PDCD6: variants seen among roughly 807,000 people sequenced by gnomAD.
PDCD6 encodes programmed cell death protein 6.
PDCD6 carries 12 observed loss-of-function variants against 28.3 expected under a neutral mutation model. The observed-to-expected ratio is 0.42, with a 90% CI of 0.27 to 0.69. The LOEUF is 0.69. Ranked by LOEUF, PDCD6 falls within the 30% of genes least tolerant of loss-of-function variation. The probability of loss-of-function intolerance (pLI) is 0.22; values close to 1 mark genes in which losing one functional copy is unlikely to be tolerated. For synonymous variants in PDCD6, 92 were observed against 108.0 expected (o/e 0.85, Z 0.92); for missense variants, 226 against 269.9 (o/e 0.84, Z 1.14).
intron 2 of PDCD6, among the ~76,000 whole-genome samples, chr5:280,219 C>G (rs895145146): frequency 2.6e-5 from 4 of 152,020 alleles, no homozygotes; most frequent in African/African-American, 9.7e-5. Flanking sequence ...GCACCCTAGG[C>G]AGAGGGCACA....
At chr5:294,380 A>G (rs1054005880) in intron 2 of PDCD6, among the ~76,000 whole-genome samples, 3 of 151,124 alleles carry the variant, frequency 2.0e-5, no homozygotes, top group Non-Finnish European at 2.9e-5. Context: ...CCAGTATTAA[A>G]GAGAGGGCAG....
At chr5:303,349 A>G (rs1311619293) in intron 2 of PDCD6, among the ~76,000 whole-genome samples, 2 of 151,718 alleles carry the variant, frequency 1.3e-5, no homozygotes, top group East Asian at 1.9e-4. Flanking sequence ...GAGGAGAGCC[A>G]CTGGTCTCTC....
intron 2 of PDCD6, among the ~76,000 whole-genome samples, chr5:294,365 A>C (rs1210593534): frequency 6.6e-6 from 1 of 150,656 alleles, no homozygotes; most frequent in African/African-American, 2.5e-5. Context: ...AAGAAAGTAA[A>C]AGCCCCAGTA....
chr5:287,060 C>G (rs929920925), intron 2 of PDCD6, among the ~76,000 whole-genome samples: 1 of 151,254 alleles, frequency 6.6e-6, no homozygotes, highest in Non-Finnish European at 1.5e-5. Flanking sequence ...CACGGAGGAG[C>G]TGGTATGTTC....
At chr5:290,420 A>G in intron 2 of PDCD6, 1 of 695,820 alleles carries the variant, frequency 1.4e-6, no homozygotes, top group Non-Finnish European at 2.5e-6. Flanking sequence ...ACTCCCTCGC[A>G]CACACTCCCG....
chr5:294,971 G>A (rs1739515285), intron 2 of PDCD6, among the ~76,000 whole-genome samples: 1 of 152,130 alleles, frequency 6.6e-6, no homozygotes. Flanking sequence ...GGAGAAGACA[G>A]TGCTACCGTG....
At chr5:299,792 G>C (rs375514050) in intron 2 of PDCD6, among the ~76,000 whole-genome samples, 2 of 152,062 alleles carry the variant, frequency 1.3e-5, no homozygotes, top group South Asian at 2.1e-4. Flanking sequence ...CTGGTGATCC[G>C]CCCGCCTTGG....
At chr5:283,409 A>G (rs78004681) in intron 2 of PDCD6, among the ~76,000 whole-genome samples, 3,030 of 106,870 alleles carry the variant, frequency 0.028, no homozygotes, top group African/African-American at 0.12. Flanking sequence ...CTGCAGACCC[A>G]GAGAGGAGCT....
chr5:288,203 A>G (rs989905029), intron 2 of PDCD6, among the ~76,000 whole-genome samples: 10 of 151,484 alleles, frequency 6.6e-5, no homozygotes, highest in African/African-American at 2.4e-4. Flanking sequence ...GGTGAACTCA[A>G]TCACTACCAA....
At chr5:281,515 C>A (rs533661265) in intron 2 of PDCD6, among the ~76,000 whole-genome samples, 1 of 152,154 alleles carries the variant, frequency 6.6e-6, no homozygotes, top group East Asian at 1.9e-4. Context: ...GCTGGAGATC[C>A]AGGTGGGAGA....
intron 5 of PDCD6, among the ~76,000 whole-genome samples, chr5:312,931 C>A: frequency 7.5e-6 from 1 of 134,204 alleles, no homozygotes; most frequent in East Asian, 1.9e-4. Flanking sequence ...GGGCTCAGAT[C>A]TTCATTTGAG....
intron 5 of PDCD6, chr5:313,897 G>A (rs1465260209): frequency 1.5e-4 from 23 of 157,462 alleles, no homozygotes; most frequent in Admixed American, 1.4e-3. Context: ...CCTGTTTCAG[G>A]AGTGTAGGTG....
At chr5:313,207 A>T (rs1455203716) in intron 5 of PDCD6, among the ~76,000 whole-genome samples, 3 of 152,254 alleles carry the variant, frequency 2.0e-5, no homozygotes, top group African/African-American at 7.2e-5. Flanking sequence ...TGCAGACCTC[A>T]AGTTAAAATT....
chr5:292,008 A>G (rs1471896975), intron 2 of PDCD6, among the ~76,000 whole-genome samples: 1 of 152,102 alleles, frequency 6.6e-6, no homozygotes, highest in Admixed American at 6.5e-5. Flanking sequence ...AGACTTCACA[A>G]CCGTTCTTAG....
intron 2 of PDCD6, among the ~76,000 whole-genome samples, chr5:299,551 G>GT (rs35811389): frequency 0.18 from 24,749 of 140,652 alleles, 2,172 homozygotes; most frequent in African/African-American, 0.22. Context: ...TCTTTTGAAG[G>GT]TTTTTTTTTT....
rs562225184 is a variant in PDCD6 at position 290,838 on chromosome 5, C to T, written c.164-13339C>T. Reference sequence around the variant, plus strand: ...GGGAGACCAGGCCCTTGATCACAAGCGTATCCATGGTGAGGTTCCGTGGAT... The same window carrying T: ...GGGAGACCAGGCCCTTGATCACAAGTGTATCCATGGTGAGGTTCCGTGGAT... On this transcript the variant is annotated intron_variant, in intron 2 of 5. Coordinates refer to ENST00000264933, the MANE Select transcript of PDCD6 (RefSeq NM_013232.4). Among the ~76,000 whole-genome samples, 33 of 152,342 alleles carry T rather than the reference C, an allele frequency of 2.2e-4. No homozygotes were observed. In the South Asian group the frequency reaches 3.5e-3, roughly 16 times the overall value.
intron 2 of PDCD6, among the ~76,000 whole-genome samples, chr5:298,381 G>A (rs1490920500): frequency 2.0e-5 from 3 of 151,892 alleles, no homozygotes; most frequent in African/African-American, 7.3e-5. Context: ...ACTGTCAGGG[G>A]TTCTCTCCCC....
In PDCD6 at chr5:278,712, CAAAT is replaced by C. The variant is rs944547415; in HGVS notation, c.163+5944_163+5947del. On this transcript the variant is annotated intron_variant, in intron 2 of 5. Transcript: ENST00000264933. ...TGGGTGACAGAGCCAGACCCTGTCTCAAATAAAACAAAAGGAAAGAAAGAAAATG... is the reference window on the plus strand; with the variant it reads ...TGGGTGACAGAGCCAGACCCTGTCTCAAAACAAAAGGAAAGAAAGAAAATG... Among the ~76,000 whole-genome samples, 7 of 140,614 alleles carry C rather than the reference CAAAT, an allele frequency of 5.0e-5. No individual in the cohort carries two copies. In the East Asian group the frequency reaches 1.5e-3, roughly 29 times the overall value. 92.2% of individuals were successfully genotyped at this position (140,614 alleles called of 152,430 possible).
chr5:307,720 A>C lies in PDCD6; in HGVS notation c.367+960A>C, dbSNP rs1390799058. Among the ~76,000 whole-genome samples, 2 of 152,072 alleles carry C rather than the reference A, an allele frequency of 1.3e-5. No homozygotes were observed. Among genetic ancestry groups the C allele is most frequent in the African/African-American group, 4.8e-5 (2 of 41,396 alleles). The stretch of plus-strand genomic sequence containing the variant: ...TTTGCTTAAAAGGCTCCTTAGAAAC[A>C]GTGAGGAAAATTCGATTCTACTTGA... On this transcript the variant is annotated intron_variant, in intron 4 of 5. Coordinates refer to ENST00000264933, the MANE Select transcript of PDCD6 (RefSeq NM_013232.4). This position sits in a 1 kb window ranked among gnomAD's most constrained non-coding sequence, Gnocchi z 6.1.
Sources: allele counts gnomAD v4.1 joint callset (sites outside exome capture counted in the v4.1 genomes callset), GRCh38; gene constraint gnomAD v4.1.1; non-coding constraint Gnocchi (gnomAD v3.1); transcripts MANE v1.5; gene names NCBI Gene and HGNC (gene_info 2026-07-23, HGNC 2026-07-21).